Variants in MGA observed in about 807,000 individuals in gnomAD.
MGA encodes the protein MAX gene-associated protein.
In MGA, 40 loss-of-function variants were observed where a neutral mutation model predicts 261.1. That is an observed-to-expected ratio of 0.15 (90% CI 0.12 to 0.20). The LOEUF (loss-of-function observed/expected upper bound fraction) is 0.20. Among genes scored for constraint, MGA ranks in the 10% least tolerant of loss-of-function variants. MGA has a pLI of 1.00. For missense variants in MGA, 3,397 were observed against 3,630.5 expected, an observed-to-expected ratio of 0.94 and a Z score of 1.65; for synonymous variants, 1,302 against 1,290.6, an observed-to-expected ratio of 1.01 and a Z score of -0.19.
At chr15:41,656,630 G>T (rs1438507398), upstream of MGA, among the ~76,000 whole-genome samples, 1 of 151,838 alleles carries the variant, frequency 6.6e-6, no homozygotes, top group Non-Finnish European at 1.5e-5. Context: ...CAAAGTTCTG[G>T]GATTACAGGC....
intron 2 of MGA, among the ~76,000 whole-genome samples, chr15:41,681,171 G>A (rs1368923017): frequency 1.3e-5 from 2 of 152,126 alleles, no homozygotes; most frequent in Non-Finnish European, 2.9e-5. Flanking sequence ...CACTTATGAT[G>A]AAAAATAGTA....
At chr15:41,691,482 G>C in intron 2 of MGA, 1 of 287,094 alleles carries the variant, frequency 3.5e-6, no homozygotes, top group Non-Finnish European at 7.5e-6. Context: ...TGTGAATAGA[G>C]ATAGTTTTGC....
Position 41,650,237 on chromosome 15 carries a change from G to C in MGA, c.-67-18591G>C, listed in dbSNP as rs140108821. 1.0e-3 allele frequency among the ~76,000 whole-genome samples: 156 copies of C among 152,266 alleles called. 1 individual carries two copies. The East Asian group carries it at 0.029, about 28-fold the overall frequency. On this transcript the variant is annotated intron_variant, in intron 1 of 8. Transcript: ENST00000566718. ...GCGTTCCAGGATATGTACATGGTAA[G>C]TGCTCAATAAATGTTTGACTTGAGG... is the stretch of plus-strand genomic sequence containing the variant.
At chr15:41,718,299 G>A (rs1385150839) in intron 9 of MGA, 4 of 215,866 alleles carry the variant, frequency 1.9e-5, no homozygotes, top group Middle Eastern at 1.6e-3. Flanking sequence ...GTGTGTGTGT[G>A]TGTATATATA....
chr15:41,633,262 G>GT (rs2056630209), intron 1 of MGA, among the ~76,000 whole-genome samples: 1 of 151,574 alleles, frequency 6.6e-6, no homozygotes, highest in South Asian at 2.1e-4. Flanking sequence ...GTAGCCACCT[G>GT]TTAAGGGAAG....
At chr15:41,741,480 G>A (rs2062101425) in intron 14 of MGA, among the ~76,000 whole-genome samples, 1 of 151,726 alleles carries the variant, frequency 6.6e-6, no homozygotes. Context: ...TTAGGAATAT[G>A]TAATACGTAA....
In MGA at chr15:41,704,265, A is replaced by T. The variant is rs969418098; in HGVS notation, c.2189-3463A>T. ...TCCCAGTTTTGCCTAGGCTTGTCTC[A>T]AACTCCTGGCTTCAGCCCATCCTCC... On this transcript the variant is annotated intron_variant, in intron 5 of 23. Transcript: ENST00000219905. 3.9e-5 allele frequency among the ~76,000 whole-genome samples: 6 copies of T among 151,920 alleles called. No individual in the cohort carries two copies. In the East Asian group the frequency reaches 1.2e-3, roughly 29 times the overall value.
At chr15:41,643,886 A>T (rs1411725457) in intron 1 of MGA, among the ~76,000 whole-genome samples, 1 of 151,972 alleles carries the variant, frequency 6.6e-6, no homozygotes, top group Non-Finnish European at 1.5e-5. Context: ...ATACTTAAGA[A>T]ATCATTGCTA....
Position 41,698,719 on chromosome 15 carries a change from A to G in MGA, c.2014-144A>G, listed in dbSNP as rs140508712. On this transcript the variant is annotated intron_variant, in intron 3 of 23. Coordinates refer to ENST00000219905, the MANE Select transcript of MGA (RefSeq NM_001164273.2). ...AGAAAATATCAAAAAGTATGAAAAA[A>G]TTGCTCCTGTTCTGCCAATGTTAGC... is the stretch of plus-strand genomic sequence containing the variant. 7.4e-4 allele frequency: 438 copies of G among 589,622 alleles called. 1 individual carries two copies. In the African/African-American group the frequency reaches 7.4e-3, roughly 10 times the overall value. 36.5% of individuals were successfully genotyped at this position (589,622 alleles called of 1,614,324 possible).
At chr15:41,715,758 G>A (rs1279376136) in intron 9 of MGA, among the ~76,000 whole-genome samples, 1 of 152,102 alleles carries the variant, frequency 6.6e-6, no homozygotes, top group Non-Finnish European at 1.5e-5. Context: ...ATTTAAGTGA[G>A]ATATAGTGTA....
At chr15:41,647,784 T>C (rs2056963824) in intron 1 of MGA, among the ~76,000 whole-genome samples, 2 of 152,206 alleles carry the variant, frequency 1.3e-5, no homozygotes, top group South Asian at 4.1e-4. Context: ...ACTGGACATT[T>C]CCACTTAGAT....
chr15:41,764,463 C>CAGG (rs1823761074), intron 22 of MGA, among the ~76,000 whole-genome samples: 1 of 152,036 alleles, frequency 6.6e-6, no homozygotes, highest in African/African-American at 2.4e-5. Context: ...CCGTGTTAGC[C>CAGG]AGGATGGTCT....
At chr15:41,762,676 C>T (rs1332979469) in intron 22 of MGA, among the ~76,000 whole-genome samples, 2 of 151,836 alleles carry the variant, frequency 1.3e-5, no homozygotes, top group East Asian at 3.9e-4. Flanking sequence ...GCCCTGTTGG[C>T]CAGGCTAGTC....
At position 41,669,015 on chromosome 15, in the gene MGA, T is replaced by G; in HGVS notation, c.121T>G (p.Leu41Val). Residue 41 changes from leucine to valine, a missense_variant, in exon 2 of 24, where the codon TTG (leucine) becomes GTG (valine). By Grantham distance (32) the Leu-to-Val change is conservative (BLOSUM62 1). This residue lies in a region of MGA where 81 missense variants were observed against 84.3 expected (regional missense o/e 0.96). Transcript: ENST00000219905. Reference sequence around the variant, plus strand: ...AAATGGCAAAACTGATCAAGGAATTTTGGTTACTAATCAGGATGCCTGTGC... The same window carrying G: ...AAATGGCAAAACTGATCAAGGAATTGTGGTTACTAATCAGGATGCCTGTGC... The G allele has an allele frequency of 6.2e-7, 1 of 1,613,680 alleles. No homozygotes were observed. Among genetic ancestry groups the G allele is most frequent in the Non-Finnish European group, 8.5e-7 (1 of 1,179,620 alleles).
chr15:41,766,220 T>G lies in MGA; in HGVS notation c.8138T>G (p.Leu2713Trp), dbSNP rs1234574603. 11 of 1,613,850 alleles carry G rather than the reference T, an allele frequency of 6.8e-6. No homozygotes were observed. Among genetic ancestry groups the G allele is most frequent in the Non-Finnish European group, 9.3e-6 (11 of 1,179,874 alleles). Residue 2713 changes from leucine to tryptophan, a missense_variant, in exon 24 of 24, where the codon TTG becomes TGG. Transcript: ENST00000219905. ...GGAAACAGAGATGGCAGAGTGACGT[T>G]GGGTCCAACGCAGGTTTTTCTGGCA...
At chr15:41,739,928 A>G in intron 13 of MGA, 1 of 1,612,294 alleles carries the variant, frequency 6.2e-7, no homozygotes, top group African/African-American at 1.3e-5. Context: ...AGTTACCCGC[A>G]GGCTAAGTTG....
At chr15:41,672,845 A>C (rs1215625073) in intron 2 of MGA, among the ~76,000 whole-genome samples, 1 of 146,360 alleles carries the variant, frequency 6.8e-6, no homozygotes, top group East Asian at 2.1e-4. Context: ...AGGGTTTAAA[A>C]AATTATATAC....
At chr15:41,698,060 C>T (rs370372168) in intron 3 of MGA, among the ~76,000 whole-genome samples, 9 of 148,602 alleles carry the variant, frequency 6.1e-5, no homozygotes, top group East Asian at 4.0e-4. Context: ...TTAGTAGAGA[C>T]GGGGTTTCAC....
chr15:41,719,753 T>C (rs2060839413), intron 9 of MGA, among the ~76,000 whole-genome samples: 2 of 151,808 alleles, frequency 1.3e-5, no homozygotes, highest in Admixed American at 6.6e-5. Context: ...AAAAAAAAAA[T>C]TAATGTTCTA....
Sources: gnomAD v4.1 joint callset for allele counts (sites outside exome capture counted in the v4.1 genomes callset) on GRCh38, gnomAD v4.1.1 for gene constraint, gnomAD v4.1.1 regional missense constraint, MANE v1.5 for transcripts, NCBI Gene and HGNC (gene_info 2026-07-23, HGNC 2026-07-21) for gene names.